INF2: variants seen among roughly 807,000 people sequenced by gnomAD.
The protein encoded by INF2 is inverted formin-2.
A neutral mutation model predicts 123.5 loss-of-function variants in INF2; 43 were observed. The observed-to-expected ratio is 0.35, with a 90% CI of 0.27 to 0.45. INF2 has a LOEUF of 0.45. Among genes scored for constraint, INF2 ranks in the 20% least tolerant of loss-of-function variants. INF2 has a pLI of 1.00. For missense variants in INF2, 1,453 were observed against 1,682.7 expected (o/e 0.86, Z 2.39); for synonymous variants, 851 against 745.0 (o/e 1.14, Z -2.32).
rs1890507859 is a variant in INF2 at position 104,720,411 on chromosome 14, TCG to T, written c.*1619_*1620del. The T allele has an allele frequency of 7.5e-6, 1 of 132,890 alleles. No individual in the cohort carries two copies. The highest frequency in any genetic ancestry group is 3.0e-5 in the African/African-American group (1 of 33,272). The allele number at this position is 132,890 out of a possible 1,614,324, so 8.2% of individuals were successfully genotyped here. On this transcript the variant is annotated 3_prime_UTR_variant, in exon 23 of 23. Coordinates refer to ENST00000392634, the MANE Select transcript of INF2 (RefSeq NM_022489.4). The stretch of plus-strand genomic sequence containing the variant: ...GCTGCTGTGGACGTCTGCGTCGTCC[TCG>T]TGTGGATGCTGCTGTGGACGTCTGC...
upstream of INF2, among the ~76,000 whole-genome samples, chr14:104,688,117 A>G (rs974738011): frequency 1.3e-5 from 2 of 152,264 alleles, no homozygotes; most frequent in African/African-American, 2.4e-5. Context: ...CCGGCCTTCC[A>G]GGTGCATTCC....
At chr14:104,718,704 G>A in intron 22 of INF2, 91 bp from the exon 23 acceptor site, 1 of 1,566,780 alleles carries the variant, frequency 6.4e-7, no homozygotes, top group Non-Finnish European at 8.7e-7. Context: ...GGCGATGAGG[G>A]GTTCAGGGAC....
rs138679958 is a variant in INF2, at chr14:104,712,800, C to A, written c.2611-28C>A. On this transcript the variant is annotated intron_variant, in intron 17 of 22. Transcript: ENST00000392634. ...GGGTGGTGCCCGCGCGGGGCTCTCA[C>A]GGGACTGTCACGTGCCCTTGCCCCC... The A allele has an allele frequency of 2.5e-6, 4 of 1,588,492 alleles. No individual in the cohort carries two copies. The South Asian group carries it at 4.5e-5, about 18-fold the overall frequency.
intron 22 of INF2, among the ~76,000 whole-genome samples, chr14:104,716,786 G>A (rs1371899288): frequency 1.3e-5 from 2 of 152,174 alleles, no homozygotes; most frequent in Non-Finnish European, 2.9e-5. Flanking sequence ...CACCTTCCAG[G>A]TTCAAGTGAT....
intron 1 of INF2, among the ~76,000 whole-genome samples, chr14:104,692,229 G>C (rs764735064): frequency 2.6e-5 from 4 of 152,238 alleles, no homozygotes; most frequent in Admixed American, 6.5e-5. Context: ...ATCCCTCCCA[G>C]TGCGACGTGG....
intron 13 of INF2, 97 bp downstream of exon 13, chr14:104,710,285 A>G (rs1300701779): frequency 1.2e-5 from 10 of 841,522 alleles, no homozygotes; most frequent in South Asian, 9.3e-5. Context: ...CAGTATCATA[A>G]TGGCTGCTAA....
Position 104,714,580 on chromosome 14 carries a change from G to T in INF2, c.3418G>T (p.Val1140Phe). 2 of 1,612,610 alleles carry T rather than the reference G, an allele frequency of 1.2e-6. No homozygotes were observed. The highest frequency in any genetic ancestry group is 2.2e-5 in the South Asian group (2 of 91,090). Residue 1140 changes from valine (V) to phenylalanine (F), a missense_variant, in exon 21 of 23, where the codon GTC (valine) becomes TTC (phenylalanine). Val to Phe is a conservative substitution (Grantham distance 50). This residue lies in a region of INF2 where 344 missense variants were observed against 333.1 expected (regional missense o/e 1.03). Coordinates refer to ENST00000392634, the MANE Select transcript of INF2 (RefSeq NM_022489.4). ...CAAGGATCCCACGTCCTTGCTGGGCGTCCTCCAGGCCGAGGCCGACAGCAC... is the reference window on the plus strand; with the variant it reads ...CAAGGATCCCACGTCCTTGCTGGGCTTCCTCCAGGCCGAGGCCGACAGCAC... ...DAKDPTSLLG[V>F]LQAEADSTSE...
At chr14:104,700,382 A>C (rs1265578247) in intron 1 of INF2, among the ~76,000 whole-genome samples, 1 of 152,186 alleles carries the variant, frequency 6.6e-6, no homozygotes. Flanking sequence ...GTGGAGGCTC[A>C]GAGCGTGTCC....
rs1328952482 is a variant in INF2, at chr14:104,714,494, T to G, written c.3332T>G (p.Leu1111Arg). Reference protein sequence around the residue: ...WPVTLGDAQALKPLKFSSNQP... With the variant: ...WPVTLGDAQARKPLKFSSNQP... ...GTGACTCTGGGAGATGCTCAGGCCC[T>G]GAAGCCCCTCAAGTTCTCCAGCAAC... Residue 1111 changes from leucine (L) to arginine (R), a missense_variant, in exon 21 of 23, where the codon CTG (leucine) becomes CGG (arginine). Leu to Arg is a moderately radical substitution (Grantham distance 102, BLOSUM62 -2). Transcript: ENST00000392634. 6.2e-7 allele frequency: 1 copy of G among 1,612,716 alleles called. No individual in the cohort carries two copies. Among genetic ancestry groups the G allele is most frequent in the African/African-American group, 1.3e-5 (1 of 75,052 alleles).
intron 21 of INF2, among the ~76,000 whole-genome samples, 195 bp from the exon 22 acceptor site, chr14:104,715,089 G>T (rs917678192): frequency 6.6e-6 from 1 of 152,198 alleles, no homozygotes; most frequent in Non-Finnish European, 1.5e-5. Context: ...CGCCACCTCC[G>T]TTAGGGAGTA....
intron 13 of INF2, among the ~76,000 whole-genome samples, chr14:104,710,453 A>T (rs1028728813): frequency 6.6e-6 from 1 of 151,578 alleles, no homozygotes; most frequent in Non-Finnish European, 1.5e-5. Context: ...CGGCACGCGC[A>T]CACACAAGCA....
At position 104,701,333 on chromosome 14, in the gene INF2, C is replaced by G. The variant is rs369376202; in HGVS notation, c.-9-24C>G. The G allele has an allele frequency of 3.9e-6, 6 of 1,551,318 alleles. No homozygotes were observed. The African/African-American group carries it at 5.5e-5, about 14-fold the overall frequency. On this transcript the variant is annotated intron_variant, in intron 1 of 22. Transcript: ENST00000392634. ...ACAGCCCCCATCCCCTCCCCGCTGA[C>G]GGCTCCCTGCCCTCTGCCTGCAGCT...
At chr14:104,716,176 G>C (rs551554106) in intron 22 of INF2, among the ~76,000 whole-genome samples, 4 of 152,332 alleles carry the variant, frequency 2.6e-5, no homozygotes, top group Admixed American at 2.6e-4. Context: ...CTCCAGCCTT[G>C]CTCAGAGCCA....
chr14:104,715,113 G>A (rs1485937551), intron 21 of INF2, among the ~76,000 whole-genome samples, 171 bp from the exon 22 acceptor site: 2 of 152,212 alleles, frequency 1.3e-5, no homozygotes, highest in African/African-American at 2.4e-5. Context: ...GGCGGACACC[G>A]GGCACCAGGT....
rs115119366 is a variant in INF2 at position 104,713,748 on chromosome 14, G to A, written c.3040+142G>A. On this transcript the variant is annotated intron_variant, in intron 20 of 22. Coordinates refer to ENST00000392634, the MANE Select transcript of INF2 (RefSeq NM_022489.4). Reference sequence around the variant, plus strand: ...GAGGCCCCTAAGACTGGGGACAGCCGAGGGGACAGGTGGTGGCCGCTCAGC... The same window carrying A: ...GAGGCCCCTAAGACTGGGGACAGCCAAGGGGACAGGTGGTGGCCGCTCAGC... 1.9e-3 allele frequency: 1,765 copies of A among 916,390 alleles called. 32 individuals are homozygous for A. In the African/African-American group the frequency reaches 0.026, roughly 14 times the overall value. The allele number at this position is 916,390 out of a possible 1,614,324, so 56.8% of individuals were successfully genotyped here.
chr14:104,696,349 G>A (rs767722436), intron 1 of INF2, among the ~76,000 whole-genome samples: 1 of 152,228 alleles, frequency 6.6e-6, no homozygotes, highest in Non-Finnish European at 1.5e-5. Context: ...TGACAGTGAG[G>A]ACACAGCCAG....
At chr14:104,715,224 C>T (rs893264688) in intron 21 of INF2, 60 bp from the exon 22 acceptor site, 56 of 1,550,324 alleles carry the variant, frequency 3.6e-5, no homozygotes, top group African/African-American at 1.1e-4. Context: ...CCACCCACTC[C>T]GAGTCAGGGT....
chr14:104,682,168 G>A (rs576986949), intron 1 of INF2, among the ~76,000 whole-genome samples: 1 of 152,338 alleles, frequency 6.6e-6, no homozygotes, highest in South Asian at 2.1e-4. Context: ...AAGTCTCCCT[G>A]CTATTCTACA....
rs1268767159 is a variant in INF2 at position 104,684,042 on chromosome 14, A to G, written c.-104+2460A>G. 6.6e-6 allele frequency: 3 copies of G among 456,052 alleles called. No homozygotes were observed. In the Admixed American group the frequency reaches 7.0e-5, roughly 11 times the overall value. 28.3% of individuals were successfully genotyped at this position (456,052 alleles called of 1,614,324 possible). ...TCCCAACACCAGGGTTGCAAGGCCC[A>G]GTGTCTTCTCACCTCGTTAGGTGGA... On this transcript the variant is annotated intron_variant, in intron 1 of 2. Coordinates refer to the INF2 transcript ENST00000674723. This position sits in a 1 kb window ranked among gnomAD's most constrained non-coding sequence, Gnocchi z 5.0.
Sources: gnomAD v4.1 joint callset for allele counts (sites outside exome capture counted in the v4.1 genomes callset) on GRCh38, gnomAD v4.1.1 for gene constraint, gnomAD v4.1.1 regional missense constraint, Gnocchi (gnomAD v3.1) non-coding constraint, MANE v1.5 for transcripts, NCBI Gene and HGNC (gene_info 2026-07-23, HGNC 2026-07-21) for gene names.